The following GOLPH3L variants were observed in gnomAD, a reference collection of about 807,000 sequenced individuals.
GOLPH3L encodes golgi phosphoprotein 3 like.
Under a neutral mutation model 30.3 loss-of-function variants are expected in GOLPH3L, and 22 were observed. That is an observed-to-expected ratio of 0.73 (90% CI 0.52 to 1.04). GOLPH3L has a LOEUF of 1.04. Among genes scored for constraint, GOLPH3L ranks in the 50% least tolerant of loss-of-function variants. The probability of loss-of-function intolerance (pLI) is 0.00; values close to 1 mark genes in which losing one functional copy is unlikely to be tolerated. For missense variants in GOLPH3L, 303 were observed against 345.8 expected, an observed-to-expected ratio of 0.88 and a Z score of 0.98; for synonymous variants, 120 against 128.2, an observed-to-expected ratio of 0.94 and a Z score of 0.43.
intron 4 of GOLPH3L, among the ~76,000 whole-genome samples, chr1:150,655,406 G>C (rs1204305943): frequency 6.6e-6 from 1 of 152,104 alleles, no homozygotes; most frequent in African/African-American, 2.4e-5. Context: ...TACAACAATG[G>C]GGAGCACAAG....
intron 4 of GOLPH3L, among the ~76,000 whole-genome samples, chr1:150,651,424 C>T (rs893113904): frequency 2.0e-5 from 3 of 151,586 alleles, no homozygotes; most frequent in African/African-American, 4.8e-5. Context: ...CTGAGGCAGG[C>T]GGATTACTTG....
intron 4 of GOLPH3L, among the ~76,000 whole-genome samples, chr1:150,654,249 G>A (rs1035995812): frequency 1.3e-5 from 2 of 151,572 alleles, no homozygotes; most frequent in Admixed American, 6.6e-5. Flanking sequence ...GCTCATTCCT[G>A]TAATCCCAGC....
At chr1:150,660,277 GAGA>G (rs1407766619) in intron 4 of GOLPH3L, among the ~76,000 whole-genome samples, 1 of 151,950 alleles carries the variant, frequency 6.6e-6, no homozygotes, top group Non-Finnish European at 1.5e-5. Flanking sequence ...AGAAAAGAAA[GAGA>G]AGAACAAGTG....
intron 2 of GOLPH3L, among the ~76,000 whole-genome samples, chr1:150,691,494 T>A (rs1232856505): frequency 2.6e-5 from 4 of 151,736 alleles, no homozygotes; most frequent in Admixed American, 2.6e-4. Context: ...CCAACCTGGG[T>A]GACAGAGCAA....
chr1:150,653,186 A>G (rs1384549906), intron 4 of GOLPH3L, among the ~76,000 whole-genome samples: 1 of 151,336 alleles, frequency 6.6e-6, no homozygotes, highest in African/African-American at 2.4e-5. Flanking sequence ...AAAAAAAAAA[A>G]AAAAGAAAAG....
intron 2 of GOLPH3L, among the ~76,000 whole-genome samples, chr1:150,672,014 T>C (rs953536903): frequency 2.0e-5 from 3 of 152,000 alleles, no homozygotes; most frequent in Admixed American, 2.0e-4. Context: ...TTTTAACCTT[T>C]CCAAATTATC....
chr1:150,696,941 T>C (rs752689124), intron 1 of GOLPH3L, 51 bp downstream of exon 1: 1 of 152,110 alleles, frequency 6.6e-6, no homozygotes, highest in Non-Finnish European at 1.5e-5. Context: ...ATAGAGGTTT[T>C]TTTTGGTGGG....
intron 2 of GOLPH3L, among the ~76,000 whole-genome samples, chr1:150,679,671 A>G (rs769803148): frequency 1.3e-5 from 2 of 152,156 alleles, no homozygotes; most frequent in African/African-American, 2.4e-5. Context: ...ATGGCGGCAT[A>G]CGCCTGTAGT....
intron 2 of GOLPH3L, among the ~76,000 whole-genome samples, chr1:150,680,461 A>G (rs1179773929): frequency 6.6e-6 from 1 of 151,956 alleles, no homozygotes; most frequent in Admixed American, 6.6e-5. Context: ...CTTTTTTTTC[A>G]TCCTATGTGT....
At chr1:150,651,642 C>CAAAAAAAAAAAAAAAAAAAAAACA (rs59940841) in intron 4 of GOLPH3L, among the ~76,000 whole-genome samples, 1 of 60,852 alleles carries the variant, frequency 1.6e-5, no homozygotes, top group Non-Finnish European at 3.0e-5. Flanking sequence ...GAGCGAAACT[C>CAAAAAAAAAAAAAAAAAAAAAACA]AAAAAAAAAA....
rs774385479 is a variant in GOLPH3L, at chr1:150,663,641, T to C, written c.306A>G (p.Leu102=). 6.2e-7 allele frequency: 1 copy of C among 1,613,260 alleles called. No homozygotes were observed. The highest frequency in any genetic ancestry group is 1.1e-5 in the South Asian group (1 of 90,980). Residue 102 remains leucine (L), a synonymous_variant, in exon 3 of 5, where the codon CTA becomes CTG. Coordinates refer to ENST00000271732, the MANE Select transcript of GOLPH3L (RefSeq NM_018178.6). The part of the protein sequence containing the change: ...EPPTMRKKRL[L]DRKVLLKSDS... ...ACAGAGGATTCAGTACCTTTCTGTCTAGTAGTCGCTTCTTACGCATGGTCG... is the reference window on the plus strand; with the variant it reads ...ACAGAGGATTCAGTACCTTTCTGTCCAGTAGTCGCTTCTTACGCATGGTCG...
chr1:150,665,015 G>T (rs982601273), intron 2 of GOLPH3L, among the ~76,000 whole-genome samples: 3 of 152,024 alleles, frequency 2.0e-5, no homozygotes, highest in Non-Finnish European at 4.4e-5. Flanking sequence ...GAGAGCCACT[G>T]GTATTGTCTA....
chr1:150,674,551 C>T (rs587675237), intron 2 of GOLPH3L, among the ~76,000 whole-genome samples: 1 of 152,156 alleles, frequency 6.6e-6, no homozygotes, highest in South Asian at 2.1e-4. Flanking sequence ...GCGTGAACCA[C>T]CGCACTCGGC....
At chr1:150,687,529 C>T (rs587750595) in intron 2 of GOLPH3L, among the ~76,000 whole-genome samples, 33 of 151,576 alleles carry the variant, frequency 2.2e-4, no homozygotes, top group South Asian at 8.3e-4. Flanking sequence ...GAGCCAAGAT[C>T]GTGCCACTAC....
At chr1:150,669,135 A>G (rs1245071713) in intron 2 of GOLPH3L, among the ~76,000 whole-genome samples, 1 of 152,210 alleles carries the variant, frequency 6.6e-6, no homozygotes, top group East Asian at 1.9e-4. Context: ...GTATAAAAAC[A>G]TATATGTAGA....
intron 4 of GOLPH3L, among the ~76,000 whole-genome samples, chr1:150,655,651 A>T (rs2101781205): frequency 6.6e-6 from 1 of 152,352 alleles, no homozygotes; most frequent in African/African-American, 2.4e-5. Flanking sequence ...GGATAGAACG[A>T]TGGCCACTAA....
intron 2 of GOLPH3L, among the ~76,000 whole-genome samples, chr1:150,667,911 G>T (rs1650547318): frequency 6.6e-6 from 1 of 151,798 alleles, no homozygotes; most frequent in Admixed American, 6.6e-5. Flanking sequence ...CTTTTCTTTG[G>T]CCTCTTTCCC....
chr1:150,693,088 C>T (rs1056446693), intron 2 of GOLPH3L, among the ~76,000 whole-genome samples: 2 of 152,186 alleles, frequency 1.3e-5, no homozygotes, highest in Admixed American at 6.5e-5. Flanking sequence ...TCTCAGCAAA[C>T]AGGAAAATAT....
chr1:150,665,011 C>T (rs1170432945), intron 2 of GOLPH3L, among the ~76,000 whole-genome samples: 1 of 152,036 alleles, frequency 6.6e-6, no homozygotes, highest in Non-Finnish European at 1.5e-5. Flanking sequence ...ATAAGAGAGC[C>T]ACTGGTATTG....
Sources: gnomAD v4.1 joint callset for allele counts (sites outside exome capture counted in the v4.1 genomes callset) on GRCh38, gnomAD v4.1.1 for gene constraint, MANE v1.5 for transcripts, NCBI Gene and HGNC (gene_info 2026-07-23, HGNC 2026-07-21) for gene names.